Variants in SYNPR observed in about 807,000 individuals in gnomAD.
SYNPR encodes synaptoporin.
In SYNPR, 23 loss-of-function variants were observed where a neutral mutation model predicts 32.9. The ratio of observed to expected loss-of-function variants is 0.70; its 90% confidence interval spans 0.50 to 0.99. The LOEUF is 0.99. Ranked by LOEUF, SYNPR falls within the 50% of genes least tolerant of loss-of-function variation. The pLI is 0.00. For missense variants in SYNPR, 318 were observed against 349.3 expected (o/e 0.91, Z 0.71); for synonymous variants, 146 against 135.9 (o/e 1.07, Z -0.52).
At chr3:63,220,668 A>T in the SYNPR span, among the ~76,000 whole-genome samples, 5 of 152,098 alleles carry the variant, frequency 3.3e-5, no homozygotes, top group African/African-American at 1.2e-4. Context: ...TGTCAGAATA[A>T]ATCCAGTTTT....
chr3:63,395,039 A>G (rs887451332), intron 2 of SYNPR, among the ~76,000 whole-genome samples: 1 of 152,144 alleles, frequency 6.6e-6, no homozygotes, highest in African/African-American at 2.4e-5. Flanking sequence ...CACACAGGGT[A>G]GATATTAATA....
At chr3:63,453,786 A>G (rs1700427230) in intron 2 of SYNPR, among the ~76,000 whole-genome samples, 1 of 152,100 alleles carries the variant, frequency 6.6e-6, no homozygotes, top group African/African-American at 2.4e-5. Context: ...GCAAATTCTC[A>G]CCATTCAGGA....
At chr3:63,592,831 C>G (rs1315809581) in intron 4 of SYNPR, among the ~76,000 whole-genome samples, 1 of 151,996 alleles carries the variant, frequency 6.6e-6, no homozygotes, top group Admixed American at 6.6e-5. Flanking sequence ...TGTATCAAGA[C>G]TAATTAATAG....
At chr3:63,461,732 A>G (rs1441308716) in intron 2 of SYNPR, among the ~76,000 whole-genome samples, 5 of 151,392 alleles carry the variant, frequency 3.3e-5, no homozygotes, top group Non-Finnish European at 5.9e-5. Context: ...CCTGGGCTCA[A>G]CTCCTTGCTT....
chr3:63,306,938 AAG>A, intron 2 of SYNPR, among the ~76,000 whole-genome samples: 1 of 152,148 alleles, frequency 6.6e-6, no homozygotes, highest in East Asian at 1.9e-4. Context: ...CTCCTTGGTA[AAG>A]AGAATAACTG....
intron 2 of SYNPR, among the ~76,000 whole-genome samples, chr3:63,478,056 C>T (rs900169635): frequency 6.6e-6 from 1 of 152,110 alleles, no homozygotes; most frequent in Non-Finnish European, 1.5e-5. Context: ...ACCTGGAAGC[C>T]CATAGGTATC....
rs1702235397 is a variant in SYNPR, at chr3:63,537,785, CT to C, written c.210-18757del. Among the ~76,000 whole-genome samples the C allele has an allele frequency of 2.0e-5, 3 of 152,186 alleles. No homozygotes were observed. The South Asian group carries it at 6.2e-4, about 32-fold the overall frequency. On this transcript the variant is annotated intron_variant, in intron 3 of 5. Coordinates refer to ENST00000478300, the MANE Select transcript of SYNPR (RefSeq NM_001130003.2). ...GCTACAATTAATAAATATTTCCCTT[CT>C]AAATGTGAGCTTTTAAGTCAGTCCT...
At chr3:63,472,175 A>C (rs1700813813) in intron 2 of SYNPR, among the ~76,000 whole-genome samples, 1 of 152,188 alleles carries the variant, frequency 6.6e-6, no homozygotes, top group Admixed American at 6.5e-5. Context: ...TCAGTTAGAA[A>C]GCCCATCTTC....
At chr3:63,323,332 G>A (rs1348711724) in intron 2 of SYNPR, among the ~76,000 whole-genome samples, 1 of 152,044 alleles carries the variant, frequency 6.6e-6, no homozygotes, top group Non-Finnish European at 1.5e-5. Flanking sequence ...CCACTTCACA[G>A]CTTTAATTCC....
chr3:63,583,543 A>G (rs1703129222), intron 4 of SYNPR, among the ~76,000 whole-genome samples: 2 of 152,142 alleles, frequency 1.3e-5, no homozygotes, highest in South Asian at 2.1e-4. Context: ...GAGTTAGTCC[A>G]GTAAGTTTCG....
chr3:63,211,164 G>A, the SYNPR span, among the ~76,000 whole-genome samples: 3 of 152,156 alleles, frequency 2.0e-5, no homozygotes, highest in Admixed American at 2.0e-4. Context: ...CACCTCCTGG[G>A]TTCAAGCAGT....
At chr3:63,577,788 C>T (rs146803930) in intron 4 of SYNPR, among the ~76,000 whole-genome samples, 22 of 152,242 alleles carry the variant, frequency 1.4e-4, no homozygotes, top group South Asian at 8.3e-4. Flanking sequence ...CAAAAAAGTA[C>T]GTGTTTCCAA....
chr3:63,579,920 T>TG (rs1703060605), intron 4 of SYNPR, among the ~76,000 whole-genome samples: 2 of 150,934 alleles, frequency 1.3e-5, no homozygotes, highest in Non-Finnish European at 1.5e-5. Context: ...GGGGGCAAAA[T>TG]GGGGGGAGGA....
At chr3:63,485,986 C>G (rs1429164684) in intron 3 of SYNPR, among the ~76,000 whole-genome samples, 1 of 152,160 alleles carries the variant, frequency 6.6e-6, no homozygotes, top group Admixed American at 6.5e-5. Flanking sequence ...AGATAATTAA[C>G]AAAATTGTCC....
intron 3 of SYNPR, among the ~76,000 whole-genome samples, chr3:63,520,086 C>A (rs1389528286): frequency 6.6e-6 from 1 of 152,188 alleles, no homozygotes; most frequent in Non-Finnish European, 1.5e-5. Context: ...TTACAAACAT[C>A]TTTCCAGGTC....
At chr3:63,505,436 T>C (rs920823830) in intron 3 of SYNPR, among the ~76,000 whole-genome samples, 1 of 152,138 alleles carries the variant, frequency 6.6e-6, no homozygotes, top group African/African-American at 2.4e-5. Context: ...AGTAAAAATA[T>C]CTTACGGGAG....
chr3:63,519,701 T>G (rs1340046092), intron 3 of SYNPR, among the ~76,000 whole-genome samples: 2 of 152,220 alleles, frequency 1.3e-5, no homozygotes, highest in Non-Finnish European at 2.9e-5. Context: ...GGGCAGTATT[T>G]TACATCTATT....
At chr3:63,484,033 C>A (rs1382001351) in intron 3 of SYNPR, among the ~76,000 whole-genome samples, 1 of 152,124 alleles carries the variant, frequency 6.6e-6, no homozygotes, top group Non-Finnish European at 1.5e-5. Context: ...AACCAGTTAT[C>A]AGACACATAT....
chr3:63,388,379 C>CTTT (rs144044254), intron 2 of SYNPR, among the ~76,000 whole-genome samples: 10 of 83,640 alleles, frequency 1.2e-4, no homozygotes, highest in Middle Eastern at 8.9e-3. Context: ...GTTTGGAGCT[C>CTTT]TTTTTTTTTT....
Sources: gnomAD v4.1 joint callset for allele counts (sites outside exome capture counted in the v4.1 genomes callset) on GRCh38, gnomAD v4.1.1 for gene constraint, MANE v1.5 for transcripts, NCBI Gene and HGNC (gene_info 2026-07-23, HGNC 2026-07-21) for gene names.